The following PCDHGB7 variants were observed in gnomAD, a reference collection of about 807,000 sequenced individuals.
PCDHGB7 encodes protocadherin gamma subfamily B, 7.
Under a neutral mutation model 61.4 loss-of-function variants are expected in PCDHGB7, and 37 were observed. That is an observed-to-expected ratio of 0.60 (90% CI 0.46 to 0.79). PCDHGB7 has a LOEUF of 0.79. PCDHGB7 is among the 30% of genes least tolerant of loss of function. The pLI, the probability that PCDHGB7 is intolerant of heterozygous loss-of-function variation, is 0.00. For missense variants in PCDHGB7, 1,166 were observed against 1,202.5 expected (o/e 0.97, Z 0.45); for synonymous variants, 464 against 503.5 (o/e 0.92, Z 1.05).
At chr5:141,473,944 CTGTA>C (rs2099333270) in intron 1 of PCDHGB7, among the ~76,000 whole-genome samples, 2 of 152,156 alleles carry the variant, frequency 1.3e-5, no homozygotes, top group Non-Finnish European at 2.9e-5. Context: ...TAGCTCAGGC[CTGTA>C]GTCCCATCTA....
intron 1 of PCDHGB7, among the ~76,000 whole-genome samples, chr5:141,454,491 C>T (rs956727548): frequency 6.6e-6 from 1 of 152,194 alleles, no homozygotes; most frequent in South Asian, 2.1e-4. Context: ...ACCGCAACCT[C>T]CACCTCCTGG....
intron 3 of PCDHGB7, 149 bp downstream of exon 3, chr5:141,505,630 A>T: frequency 6.8e-7 from 1 of 1,480,262 alleles, no homozygotes; most frequent in East Asian, 2.4e-5. Flanking sequence ...AATTCCAAAC[A>T]TAAAGCCTGG....
Position 141,418,823 on chromosome 5 carries a change from A to G in PCDHGB7, c.964A>G (p.Lys322Glu), listed in dbSNP as rs985060966. ...AAGATATACGATAAACATAGAAGCAAAAGACCGAGGATCTCTCTCAACACG... is the reference window on the plus strand; with the variant it reads ...AAGATATACGATAAACATAGAAGCAGAAGACCGAGGATCTCTCTCAACACG... ...VERYTINIEA[K>E]DRGSLSTRCK... The change falls in exon 1 of 4, where the codon AAA (lysine) becomes GAA (glutamate). Residue 322 changes from lysine (K) to glutamate (E), a missense_variant. Coordinates refer to ENST00000398594, the MANE Select transcript of PCDHGB7 (RefSeq NM_018927.4). 4.3e-6 allele frequency: 7 copies of G among 1,613,868 alleles called. No homozygotes were observed. Among genetic ancestry groups the G allele is most frequent in the Admixed American group, 3.3e-5 (2 of 60,002 alleles).
chr5:141,423,117 G>T, intron 1 of PCDHGB7: 1 of 1,613,816 alleles, frequency 6.2e-7, no homozygotes, highest in Non-Finnish European at 8.5e-7. Flanking sequence ...TGCGTACAGC[G>T]CGGGCACTGC....
rs577323909 is a variant in PCDHGB7 at position 141,419,160 on chromosome 5, C to G, written c.1301C>G (p.Ser434Cys). 13 of 1,613,956 alleles carry G rather than the reference C, an allele frequency of 8.1e-6. 1 individual carries two copies. In the South Asian group the frequency reaches 1.4e-4, roughly 18 times the overall value. The change falls in exon 1 of 4, where the codon TCC (serine) becomes TGC (cysteine). Residue 434 changes from serine to cysteine, a missense_variant. Physicochemically the swap from Ser to Cys is moderately radical, Grantham distance 112. Coordinates refer to ENST00000398594, the MANE Select transcript of PCDHGB7 (RefSeq NM_018927.4). ...GACAGGGGCAAGCCTCCGTTATCCT[C>G]CAGCAAAACCATAACCCTGCACATT... The part of the protein sequence containing the change: ...ATDRGKPPLS[S>C]SKTITLHITD...
chr5:141,476,554 G>A lies in PCDHGB7; in HGVS notation c.2416-18253G>A. On this transcript the variant is annotated intron_variant, in intron 1 of 3. Transcript: ENST00000398594. This position sits in a 1 kb window ranked among gnomAD's most constrained non-coding sequence, Gnocchi z 7.6. The stretch of plus-strand genomic sequence containing the variant: ...AGGAAATGAAATTGGAGATTAGCGA[G>A]GCCGTGGCTCCGGGGACGCGCTTTC... 1 of 1,614,232 alleles carries A rather than the reference G, an allele frequency of 6.2e-7. No individual in the cohort carries two copies. Among genetic ancestry groups the A allele is most frequent in the Non-Finnish European group, 8.5e-7 (1 of 1,180,036 alleles).
intron 1 of PCDHGB7, chr5:141,433,153 A>G (rs896611410): frequency 3.1e-6 from 5 of 1,613,482 alleles, no homozygotes; most frequent in African/African-American, 2.7e-5. Flanking sequence ...GTGATTCGGT[A>G]TTTTCTAAAG....
At position 141,455,318 on chromosome 5, in the gene PCDHGB7, G is replaced by A. The variant is rs534507768; in HGVS notation, c.2415+35044G>A. On this transcript the variant is annotated intron_variant, in intron 1 of 3. Transcript: ENST00000398594. ...TTTCATCTTGCATTAGCAATTTTGT[G>A]TGTGTGTTTGTGGTTTTAAGGAGCG... is the stretch of plus-strand genomic sequence containing the variant. Among the ~76,000 whole-genome samples the A allele has an allele frequency of 2.4e-4, 37 of 152,186 alleles. No individual in the cohort carries two copies. The South Asian group carries it at 5.6e-3, about 23-fold the overall frequency.
chr5:141,455,855 C>A (rs1267803457), intron 1 of PCDHGB7, among the ~76,000 whole-genome samples: 4 of 147,088 alleles, frequency 2.7e-5, no homozygotes, highest in African/African-American at 1.0e-4. Flanking sequence ...AAAATAATTT[C>A]TTTTATTATT....
intron 1 of PCDHGB7, among the ~76,000 whole-genome samples, chr5:141,460,793 A>T (rs954317795): frequency 2.0e-4 from 30 of 152,024 alleles, no homozygotes; most frequent in Non-Finnish European, 2.9e-5. Flanking sequence ...TATACACACA[A>T]AGTATATATA....
intron 1 of PCDHGB7, among the ~76,000 whole-genome samples, chr5:141,448,614 A>G (rs985924011): frequency 1.3e-5 from 2 of 152,070 alleles, no homozygotes; most frequent in East Asian, 1.9e-4. Flanking sequence ...ACCACTTTAT[A>G]TCTTCCTTTC....
chr5:141,422,330 C>A, intron 1 of PCDHGB7: 1 of 1,548,166 alleles, frequency 6.5e-7, no homozygotes. Flanking sequence ...ACAGTGATTG[C>A]TCTTCTAAAT....
chr5:141,502,955 T>C (rs2099817293), intron 2 of PCDHGB7, among the ~76,000 whole-genome samples: 1 of 149,868 alleles, frequency 6.7e-6, no homozygotes, highest in Non-Finnish European at 1.5e-5. Context: ...GCGATTCTCC[T>C]GCCTCAGCCT....
chr5:141,443,244 G>A (rs1277982376), intron 1 of PCDHGB7, among the ~76,000 whole-genome samples: 4 of 151,542 alleles, frequency 2.6e-5, no homozygotes, highest in African/African-American at 9.7e-5. Flanking sequence ...ACTTTGGGGC[G>A]CCAAGGCGGG....
intron 1 of PCDHGB7, chr5:141,422,878 C>T: frequency 6.2e-7 from 1 of 1,614,264 alleles, no homozygotes; most frequent in African/African-American, 1.3e-5. Flanking sequence ...GTCGCTGAGC[C>T]TGTTCGTGCT....
Position 141,485,395 on chromosome 5 carries a change from C to T in PCDHGB7, c.2416-9412C>T. On this transcript the variant is annotated intron_variant, in intron 1 of 3. Coordinates refer to ENST00000398594, the MANE Select transcript of PCDHGB7 (RefSeq NM_018927.4). The surrounding 1 kb of genome is among the most constrained non-coding windows in gnomAD (Gnocchi z 5.7). Reference sequence around the variant, plus strand: ...TCGCTGGAGAGGTGAACCAAAGACACTTCCGTGTGGATTTGGACAGCGGAG... The same window carrying T: ...TCGCTGGAGAGGTGAACCAAAGACATTTCCGTGTGGATTTGGACAGCGGAG... 5 of 1,614,154 alleles carry T rather than the reference C, an allele frequency of 3.1e-6. No homozygotes were observed. Among genetic ancestry groups the T allele is most frequent in the Non-Finnish European group, 3.4e-6 (4 of 1,180,026 alleles).
rs1040028231 is a variant in PCDHGB7, at chr5:141,485,542, C to T, written c.2416-9265C>T. 6.8e-6 allele frequency: 11 copies of T among 1,613,900 alleles called. No individual in the cohort carries two copies. Among genetic ancestry groups the T allele is most frequent in the Admixed American group, 6.7e-5 (4 of 59,996 alleles). On this transcript the variant is annotated intron_variant, in intron 1 of 3. Coordinates refer to ENST00000398594, the MANE Select transcript of PCDHGB7 (RefSeq NM_018927.4). The surrounding 1 kb of genome is among the most constrained non-coding windows in gnomAD (Gnocchi z 5.7). ...AAATGTACCGAGCAGAGGTAGAGAT[C>T]GTAGATGTGAATGATCACGCCCCCC...
chr5:141,467,008 A>T (rs1319152720), intron 1 of PCDHGB7, among the ~76,000 whole-genome samples: 1 of 150,270 alleles, frequency 6.7e-6, no homozygotes, highest in African/African-American at 2.4e-5. Context: ...TTGCAATGCA[A>T]TTTTTTTCCC....
chr5:141,489,250 A>C lies in PCDHGB7; in HGVS notation c.2416-5557A>C. 1 of 1,546,554 alleles carries C rather than the reference A, an allele frequency of 6.5e-7. No individual in the cohort carries two copies. The highest frequency in any genetic ancestry group is 8.7e-7 in the Non-Finnish European group (1 of 1,146,722). On this transcript the variant is annotated intron_variant, in intron 1 of 3. Transcript: ENST00000398594. This position sits in a 1 kb window ranked among gnomAD's most constrained non-coding sequence, Gnocchi z 4.5. The stretch of plus-strand genomic sequence containing the variant: ...AAGGGACTTCTGGGTCATGGGGCCC[A>C]AGACACTCCCACAGCTCGCTGGGAA...
Sources: allele counts gnomAD v4.1 joint callset (sites outside exome capture counted in the v4.1 genomes callset), GRCh38; gene constraint gnomAD v4.1.1; non-coding constraint Gnocchi (gnomAD v3.1); transcripts MANE v1.5; gene names NCBI Gene and HGNC (gene_info 2026-07-23, HGNC 2026-07-21).